The following CAMTA1 variants were observed in gnomAD, a reference collection of about 807,000 sequenced individuals.
CAMTA1 encodes the protein calmodulin binding transcription activator 1.
In CAMTA1, 27 loss-of-function variants were observed where a neutral mutation model predicts 170.9. The ratio of observed to expected loss-of-function variants is 0.16; its 90% CI spans 0.12 to 0.22. CAMTA1 has a LOEUF of 0.22. Among genes scored for constraint, CAMTA1 ranks in the 10% least tolerant of loss-of-function variants. The probability of loss-of-function intolerance (pLI) is 1.00; values close to 1 mark genes in which losing one functional copy is unlikely to be tolerated. For missense variants in CAMTA1, 1,619 were observed against 2,217.2 expected, an observed-to-expected ratio of 0.73 and a Z score of 5.42; for synonymous variants, 833 against 891.5, an observed-to-expected ratio of 0.93 and a Z score of 1.17.
At chr1:7,597,107 AACACGAGCCCACTTACCCAGTGG>A (rs1377087232) in intron 6 of CAMTA1, among the ~76,000 whole-genome samples, 1 of 152,098 alleles carries the variant, frequency 6.6e-6, no homozygotes, top group Non-Finnish European at 1.5e-5. Flanking sequence ...GCACCCAGCA[AACACGAGCCCACTTACCCAGTGG>A]ACACGAGCCC....
chr1:7,579,385 C>T (rs2095235662), intron 6 of CAMTA1, among the ~76,000 whole-genome samples: 2 of 152,122 alleles, frequency 1.3e-5, no homozygotes, highest in East Asian at 1.9e-4. Context: ...GCAGCGTGGG[C>T]TTGGGGAACC....
intron 6 of CAMTA1, among the ~76,000 whole-genome samples, chr1:7,559,168 C>G (rs975723918): frequency 6.6e-6 from 1 of 152,168 alleles, no homozygotes; most frequent in Admixed American, 6.5e-5. Flanking sequence ...TAGGCATTGC[C>G]GCCACCCGCC....
chr1:6,880,337 C>T (rs543922495), intron 3 of CAMTA1, among the ~76,000 whole-genome samples: 4 of 147,144 alleles, frequency 2.7e-5, no homozygotes, highest in South Asian at 2.2e-4. Context: ...AACCTCCCAA[C>T]GTGTGGGGTT....
intron 5 of CAMTA1, among the ~76,000 whole-genome samples, chr1:7,394,212 T>A (rs574859367): frequency 6.6e-6 from 1 of 152,360 alleles, no homozygotes; most frequent in East Asian, 1.9e-4. Context: ...TATTCAGTAG[T>A]AGGATTGCTG....
chr1:7,421,298 G>T (rs1478434607), intron 5 of CAMTA1, among the ~76,000 whole-genome samples: 4 of 151,810 alleles, frequency 2.6e-5, no homozygotes, highest in African/African-American at 9.7e-5. Context: ...GATTACAGGC[G>T]CCCGCCACCA....
At chr1:7,077,322 C>T (rs1044724516) in intron 3 of CAMTA1, among the ~76,000 whole-genome samples, 3 of 151,774 alleles carry the variant, frequency 2.0e-5, no homozygotes, top group African/African-American at 7.3e-5. Context: ...CTCTCACACC[C>T]TCCTTTCCCA....
chr1:7,722,429 A>G (rs2149794714), intron 11 of CAMTA1, among the ~76,000 whole-genome samples: 1 of 152,100 alleles, frequency 6.6e-6, no homozygotes, highest in Admixed American at 6.6e-5. Context: ...AGCAAAAGAA[A>G]AGGGAATCTG....
At chr1:7,196,233 A>C (rs78737579) in intron 4 of CAMTA1, among the ~76,000 whole-genome samples, 4,267 of 152,028 alleles carry the variant, frequency 0.028, 174 homozygotes, top group African/African-American at 0.098. Context: ...TCCACCTGGT[A>C]AGACGTGCTT....
At chr1:6,991,191 G>T (rs1696316767) in intron 3 of CAMTA1, among the ~76,000 whole-genome samples, 1 of 152,080 alleles carries the variant, frequency 6.6e-6, no homozygotes, top group Non-Finnish European at 1.5e-5. Context: ...GAATAAAACT[G>T]CTGTGAATAT....
At chr1:6,842,376 C>T (rs1483924807) in intron 3 of CAMTA1, among the ~76,000 whole-genome samples, 1 of 152,204 alleles carries the variant, frequency 6.6e-6, no homozygotes, top group Non-Finnish European at 1.5e-5. Context: ...CAGTGCTCCT[C>T]CTTCATATGG....
intron 5 of CAMTA1, among the ~76,000 whole-genome samples, chr1:7,381,090 G>A (rs990540137): frequency 5.3e-5 from 8 of 152,306 alleles, no homozygotes; most frequent in Non-Finnish European, 2.9e-5. Flanking sequence ...GCAAGTGACC[G>A]AAAACATCAT....
chr1:7,131,492 G>T (rs946261374), intron 4 of CAMTA1, among the ~76,000 whole-genome samples: 1 of 150,072 alleles, frequency 6.7e-6, no homozygotes, highest in Admixed American at 6.6e-5. Flanking sequence ...TTTATGTGTG[G>T]TGTGAGATGA....
intron 11 of CAMTA1, among the ~76,000 whole-genome samples, chr1:7,687,995 C>T (rs544232343): frequency 1.4e-5 from 2 of 140,308 alleles, no homozygotes; most frequent in South Asian, 2.2e-4. Context: ...TCGATTACGT[C>T]GGACTCTCAT....
At position 6,960,546 on chromosome 1, in the gene CAMTA1, G is replaced by A. The variant is rs1029558452; in HGVS notation, c.235-130758G>A. ...AGTCCAGCTCAAATGTCACCTCCTC[G>A]GCAAAGACTCCCCCACCGCCTGAAG... On this transcript the variant is annotated intron_variant, in intron 3 of 22. Transcript: ENST00000303635. Among the ~76,000 whole-genome samples, 25 of 152,034 alleles carry A rather than the reference G, an allele frequency of 1.6e-4. 1 individual carries two copies. Among genetic ancestry groups the A allele is most frequent in the African/African-American group, 2.4e-5 (1 of 41,378 alleles).
intron 4 of CAMTA1, among the ~76,000 whole-genome samples, chr1:7,097,495 T>TG (rs1227678282): frequency 6.6e-6 from 1 of 152,204 alleles, no homozygotes; most frequent in Non-Finnish European, 1.5e-5. Context: ...CCTGGTGCAG[T>TG]GGGGTTTGTC....
chr1:6,787,134 G>T (rs1432745470), intron 1 of CAMTA1, among the ~76,000 whole-genome samples: 1 of 152,154 alleles, frequency 6.6e-6, no homozygotes, highest in Non-Finnish European at 1.5e-5. Context: ...CTTCTGCTTC[G>T]CAGTCAGCCA....
intron 4 of CAMTA1, among the ~76,000 whole-genome samples, chr1:7,225,554 A>T (rs1252643282): frequency 6.6e-6 from 1 of 152,072 alleles, no homozygotes; most frequent in Non-Finnish European, 1.5e-5. Context: ...GTTGCTGAGA[A>T]CACCTGGGAG....
intron 11 of CAMTA1, among the ~76,000 whole-genome samples, chr1:7,723,393 T>C (rs2096662077): frequency 6.6e-6 from 1 of 152,174 alleles, no homozygotes; most frequent in African/African-American, 2.4e-5. Flanking sequence ...AAGTTTAGAA[T>C]AAATGTACAG....
intron 5 of CAMTA1, among the ~76,000 whole-genome samples, chr1:7,365,595 G>C (rs966778503): frequency 6.6e-6 from 1 of 152,192 alleles, no homozygotes; most frequent in African/African-American, 2.4e-5. Context: ...CAGAAGTAGA[G>C]ACACCGGAGT....
Sources: allele counts gnomAD v4.1 joint callset (sites outside exome capture counted in the v4.1 genomes callset), GRCh38; gene constraint gnomAD v4.1.1; transcripts MANE v1.5; gene names NCBI Gene and HGNC (gene_info 2026-07-23, HGNC 2026-07-21).